The following KCNIP4 variants were observed in gnomAD, a reference collection of about 807,000 sequenced individuals.
The protein encoded by KCNIP4 is Kv channel-interacting protein 4.
In KCNIP4, 12 loss-of-function variants were observed where a neutral mutation model predicts 34.0. The observed-to-expected ratio is 0.35, with a 90% CI of 0.23 to 0.57. The LOEUF (loss-of-function observed/expected upper bound fraction) is 0.57. KCNIP4 is among the 20% of genes least tolerant of loss of function. KCNIP4 has a pLI of 0.83. For synonymous variants in KCNIP4, 124 were observed against 102.2 expected (o/e 1.21, Z -1.29); for missense variants, 238 against 311.7 (o/e 0.76, Z 1.78).
chr4:20,737,341 CA>C (rs1252884783), intron 5 of KCNIP4, among the ~76,000 whole-genome samples: 11 of 152,124 alleles, frequency 7.2e-5, no homozygotes, highest in African/African-American at 2.7e-4. Flanking sequence ...ACATGGAGGT[CA>C]CCAGCAAGTG....
intron 1 of KCNIP4, among the ~76,000 whole-genome samples, chr4:21,684,800 T>C (rs1175052332): frequency 6.6e-6 from 1 of 152,166 alleles, no homozygotes; most frequent in Non-Finnish European, 1.5e-5. Context: ...GTATATCTGC[T>C]AATGCTATCC....
At chr4:21,196,291 C>T (rs965832255) in intron 1 of KCNIP4, among the ~76,000 whole-genome samples, 4 of 152,104 alleles carry the variant, frequency 2.6e-5, no homozygotes, top group Non-Finnish European at 4.4e-5. Context: ...TTAAATTTGT[C>T]CCTCCTTAAT....
intron 1 of KCNIP4, among the ~76,000 whole-genome samples, chr4:21,249,471 T>C (rs1396080665): frequency 6.6e-6 from 1 of 152,092 alleles, no homozygotes; most frequent in Non-Finnish European, 1.5e-5. Context: ...ACTTGTCCCA[T>C]ACCCTGCTAA....
intron 1 of KCNIP4, among the ~76,000 whole-genome samples, chr4:21,273,952 A>G (rs1049821430): frequency 1.3e-5 from 2 of 152,180 alleles, no homozygotes; most frequent in Non-Finnish European, 2.9e-5. Context: ...AATACGCAAC[A>G]CAATTCCTAG....
At chr4:21,937,623 A>C (rs999815339) in intron 1 of KCNIP4, among the ~76,000 whole-genome samples, 2 of 151,996 alleles carry the variant, frequency 1.3e-5, no homozygotes, top group Non-Finnish European at 2.9e-5. Context: ...GAAGCCCTTA[A>C]ATTTCATTGT....
chr4:21,113,440 A>G (rs995723266), intron 1 of KCNIP4, among the ~76,000 whole-genome samples: 17 of 41,650 alleles, frequency 4.1e-4, no homozygotes, highest in African/African-American at 2.6e-3. Flanking sequence ...GAGGTTGTGC[A>G]TCTATCTATA....
In KCNIP4 at chr4:21,127,024, C is replaced by T. The variant is rs965528703; in HGVS notation, c.62-244315G>A. 2.6e-5 allele frequency among the ~76,000 whole-genome samples: 4 copies of T among 152,274 alleles called. No homozygotes were observed. In the East Asian group the frequency reaches 7.7e-4, roughly 29 times the overall value. ...TCCTGAAATGCTCTTTCTGTTCCTG[C>T]AACTGGCCAAGTTGTTTTCACCTCT... On this transcript the variant is annotated intron_variant, in intron 1 of 8. Transcript: ENST00000382152.
chr4:20,769,271 T>A (rs1755668049), intron 3 of KCNIP4, among the ~76,000 whole-genome samples: 1 of 152,320 alleles, frequency 6.6e-6, no homozygotes, highest in Non-Finnish European at 1.5e-5. Flanking sequence ...TACTTATTTT[T>A]ACTATTATCT....
At chr4:21,937,637 T>C (rs112473206) in intron 1 of KCNIP4, among the ~76,000 whole-genome samples, 27 of 152,242 alleles carry the variant, frequency 1.8e-4, no homozygotes, top group African/African-American at 4.8e-4. Context: ...TCATTGTTCT[T>C]CAAAACTAAC....
At chr4:21,001,676 A>G (rs1359302366) in intron 1 of KCNIP4, among the ~76,000 whole-genome samples, 1 of 152,218 alleles carries the variant, frequency 6.6e-6, no homozygotes, top group Admixed American at 6.5e-5. Context: ...ATACGGTAGC[A>G]GAGTCCTCAC....
chr4:21,367,900 C>G (rs1719942987), intron 1 of KCNIP4, among the ~76,000 whole-genome samples: 1 of 147,534 alleles, frequency 6.8e-6, no homozygotes, highest in African/African-American at 2.7e-5. Flanking sequence ...AGCAAAAATG[C>G]AAGTGGTTCC....
Position 21,656,429 on chromosome 4 carries a change from AG to A in KCNIP4, c.61+292141del, listed in dbSNP as rs1157501727. On this transcript the variant is annotated intron_variant, in intron 1 of 8. Coordinates refer to ENST00000382152, the MANE Select transcript of KCNIP4 (RefSeq NM_025221.6). Reference sequence around the variant, plus strand: ...GGTTAGAACTTCAACATGTGAATTTAGGAGTGCATAATTCAACTGCTAACAG... The same window carrying A: ...GGTTAGAACTTCAACATGTGAATTTAGAGTGCATAATTCAACTGCTAACAG... The A allele has an allele frequency of 2.0e-5, 3 of 152,248 alleles. No homozygotes were observed. In the East Asian group the frequency reaches 5.8e-4, roughly 29 times the overall value. The allele number at this position is 152,248 out of a possible 1,614,324, so 9.4% of individuals were successfully genotyped here. A position where few individuals can be genotyped will look rare whatever the true frequency, so the allele number is the denominator to read the frequency against.
chr4:20,882,450 C>T (rs901898011), intron 2 of KCNIP4, among the ~76,000 whole-genome samples, 158 bp downstream of exon 2: 4 of 152,162 alleles, frequency 2.6e-5, no homozygotes, highest in African/African-American at 9.6e-5. Flanking sequence ...CTCCTAATTG[C>T]CCAAATGTTC....
chr4:20,846,369 G>A (rs79973172), intron 3 of KCNIP4, among the ~76,000 whole-genome samples: 2,653 of 152,222 alleles, frequency 0.017, 73 homozygotes, highest in African/African-American at 0.057. Context: ...TTAAAACTTA[G>A]TGCCCCACTA....
In KCNIP4 at chr4:21,256,929, A is replaced by C. The variant is rs189385656; in HGVS notation, c.62-374220T>G. Among the ~76,000 whole-genome samples the C allele has an allele frequency of 1.3e-3, 203 of 152,276 alleles. 1 individual carries two copies. Among genetic ancestry groups the C allele is most frequent in the African/African-American group, 4.5e-3 (189 of 41,554 alleles). On this transcript the variant is annotated intron_variant, in intron 1 of 8. Transcript: ENST00000382152. ...TGAATGTGCTTTCTAAGGTCTCTCTATATGCGTACTTGTTGTTTTCCATTT... is the reference window on the plus strand; with the variant it reads ...TGAATGTGCTTTCTAAGGTCTCTCTCTATGCGTACTTGTTGTTTTCCATTT...
At chr4:21,485,770 T>A (rs1731845826) in intron 1 of KCNIP4, among the ~76,000 whole-genome samples, 1 of 152,204 alleles carries the variant, frequency 6.6e-6, no homozygotes, top group Non-Finnish European at 1.5e-5. Flanking sequence ...GTTTATCACA[T>A]TTCTCATCTA....
chr4:21,087,150 G>A (rs1193621828), intron 1 of KCNIP4, among the ~76,000 whole-genome samples: 1 of 126,426 alleles, frequency 7.9e-6, no homozygotes, highest in African/African-American at 3.4e-5. Context: ...TGGGTAATGT[G>A]TGTGTGTGTG....
At chr4:20,941,976 A>C (rs1298871172) in intron 1 of KCNIP4, among the ~76,000 whole-genome samples, 3 of 152,232 alleles carry the variant, frequency 2.0e-5, no homozygotes, top group Non-Finnish European at 2.9e-5. Flanking sequence ...CTAAGCACTG[A>C]GGAAATAACA....
At chr4:21,573,192 C>A (rs541045079) in intron 1 of KCNIP4, among the ~76,000 whole-genome samples, 1 of 152,112 alleles carries the variant, frequency 6.6e-6, no homozygotes, top group African/African-American at 2.4e-5. Context: ...TAGTGATACT[C>A]ATACTTGACC....
Sources: gnomAD v4.1 joint callset for allele counts (sites outside exome capture counted in the v4.1 genomes callset) on GRCh38, gnomAD v4.1.1 for gene constraint, MANE v1.5 for transcripts, NCBI Gene and HGNC (gene_info 2026-07-23, HGNC 2026-07-21) for gene names.